Variants in HSF2 observed in about 807,000 individuals in gnomAD.
The protein encoded by HSF2 is heat shock factor protein 2.
A neutral mutation model predicts 65.0 loss-of-function variants in HSF2; 21 were observed. That is an observed-to-expected ratio of 0.32 (90% confidence interval 0.23 to 0.47). The LOEUF (loss-of-function observed/expected upper bound fraction) is 0.47. Among genes scored for constraint, HSF2 ranks in the 20% least tolerant of loss-of-function variants. The pLI, the probability that HSF2 is intolerant of heterozygous loss-of-function variation, is 1.00. For missense variants in HSF2, 499 were observed against 628.1 expected (o/e 0.79, Z 2.20); for synonymous variants, 225 against 219.1 (o/e 1.03, Z -0.24).
chr6:122,432,100 A>C lies in HSF2; in HGVS notation c.1491A>C (p.Gln497His), dbSNP rs777326167. Residue 497 changes from glutamine to histidine, a missense_variant, in exon 13 of 13, where the codon CAA (glutamine) becomes CAC (histidine). By Grantham distance (24) the Gln-to-His change is conservative. Coordinates refer to ENST00000368455, the MANE Select transcript of HSF2 (RefSeq NM_004506.4). ...LDSSLDPEPT[Q>H]SKLVRLEPLT... ...GCAGCCTAGACCCAGAACCAACCCA[A>C]AGTAAGCTTGTTCGCCTGGAGCCAT... The C allele has an allele frequency of 2.5e-6, 4 of 1,613,974 alleles. No homozygotes were observed. Among genetic ancestry groups the C allele is most frequent in the Non-Finnish European group, 3.4e-6 (4 of 1,179,980 alleles).
chr6:122,407,827 C>T (rs1221877712), intron 1 of HSF2, among the ~76,000 whole-genome samples: 1 of 152,100 alleles, frequency 6.6e-6, no homozygotes, highest in Non-Finnish European at 1.5e-5. Context: ...CAGGTGGCTT[C>T]AACAACAGGC....
chr6:122,420,323 C>A (rs573938749), intron 7 of HSF2, 101 bp downstream of exon 7: 3 of 788,978 alleles, frequency 3.8e-6, no homozygotes, highest in Admixed American at 6.5e-5. Context: ...AATAACAATT[C>A]AAGTGTTCAT....
At chr6:122,420,105 C>A in intron 6 of HSF2, 30 bp from the exon 7 acceptor site, 1 of 1,583,502 alleles carries the variant, frequency 6.3e-7, no homozygotes, top group Non-Finnish European at 8.6e-7. Context: ...ATGTTTGCTT[C>A]ACTGAACTGC....
chr6:122,402,989 A>T (rs1773774991), intron 1 of HSF2, among the ~76,000 whole-genome samples: 1 of 151,946 alleles, frequency 6.6e-6, no homozygotes, highest in Admixed American at 6.6e-5. Flanking sequence ...TTGTTTTGGG[A>T]ACCAGACAAG....
intron 1 of HSF2, among the ~76,000 whole-genome samples, chr6:122,406,200 A>G (rs1417306133): frequency 6.6e-6 from 1 of 152,230 alleles, no homozygotes. Context: ...ATTTGGAGCA[A>G]TAAATTGATA....
chr6:122,406,639 G>C (rs1421144993), intron 1 of HSF2, among the ~76,000 whole-genome samples: 2 of 152,164 alleles, frequency 1.3e-5, no homozygotes, highest in East Asian at 3.8e-4. Context: ...TGATAAATTG[G>C]CTATGGTTGG....
intron 1 of HSF2, among the ~76,000 whole-genome samples, chr6:122,400,332 G>A (rs542679312): frequency 6.6e-6 from 1 of 152,292 alleles, no homozygotes; most frequent in South Asian, 2.1e-4. Context: ...TTTGCATCTG[G>A]CATCTTTATG....
In HSF2 at chr6:122,432,331, A is replaced by G. The variant is rs1774494118; in HGVS notation, c.*111A>G. ...AAATTGCTTTGTTTTGTTTAATCAG[A>G]TACTGTGGAATAAAAGCACCTTTTG... On this transcript the variant is annotated 3_prime_UTR_variant, in exon 13 of 13. Coordinates refer to ENST00000368455, the MANE Select transcript of HSF2 (RefSeq NM_004506.4). The G allele has an allele frequency of 4.6e-6, 4 of 866,952 alleles. No individual in the cohort carries two copies. The highest frequency in any genetic ancestry group is 1.8e-6 in the Non-Finnish European group (1 of 565,704). The allele number at this position is 866,952 out of a possible 1,614,324, so 53.7% of individuals were successfully genotyped here.
chr6:122,417,717 AC>A (rs1774154663), intron 5 of HSF2, among the ~76,000 whole-genome samples: 1 of 152,204 alleles, frequency 6.6e-6, no homozygotes, highest in Admixed American at 6.5e-5. Flanking sequence ...AGAAGTGTCA[AC>A]AGAGAACTGA....
chr6:122,422,993 G>A, intron 9 of HSF2, 36 bp downstream of exon 9: 1 of 1,608,418 alleles, frequency 6.2e-7, no homozygotes, highest in Non-Finnish European at 8.5e-7. Flanking sequence ...AAAATTATTT[G>A]CTTTCTTTGT....
intron 6 of HSF2, among the ~76,000 whole-genome samples, chr6:122,419,466 C>T (rs1774190370): frequency 6.6e-6 from 1 of 151,996 alleles, no homozygotes; most frequent in South Asian, 2.1e-4. Context: ...GACATACATA[C>T]AGTTAATACA....
intron 1 of HSF2, among the ~76,000 whole-genome samples, chr6:122,411,686 T>C (rs977610726): frequency 6.6e-6 from 1 of 151,916 alleles, no homozygotes; most frequent in Non-Finnish European, 1.5e-5. Context: ...GAAAAGACTG[T>C]CCTTTTTTTA....
intron 7 of HSF2, 58 bp from the exon 8 acceptor site, chr6:122,422,092 C>A: frequency 2.5e-6 from 3 of 1,213,476 alleles, no homozygotes; most frequent in Admixed American, 2.2e-5. Flanking sequence ...TAGATGATAT[C>A]TTGTTTGGTA....
At chr6:122,417,140 T>G (rs942411677) in intron 5 of HSF2, among the ~76,000 whole-genome samples, 13 of 151,814 alleles carry the variant, frequency 8.6e-5, no homozygotes, top group African/African-American at 3.1e-4. Flanking sequence ...TCAACATAGA[T>G]TTACTGTGTT....
At chr6:122,419,852 C>G (rs1774195510) in intron 6 of HSF2, among the ~76,000 whole-genome samples, 1 of 151,980 alleles carries the variant, frequency 6.6e-6, no homozygotes, top group African/African-American at 2.4e-5. Flanking sequence ...AAATACAGTT[C>G]ATAGAGTTGT....
rs1173058032 is a variant in HSF2 at position 122,400,027 on chromosome 6, C to G, written c.93+197C>G. On this transcript the variant is annotated intron_variant, in intron 1 of 12. Coordinates refer to ENST00000368455, the MANE Select transcript of HSF2 (RefSeq NM_004506.4). The stretch of plus-strand genomic sequence containing the variant: ...GCCGCGGGGGCCCGGCCGGCAGCGC[C>G]GCTCTCCTCAGGCCGCGGTGGGGGA... 5.3e-5 allele frequency among the ~76,000 whole-genome samples: 8 copies of G among 152,206 alleles called. No individual in the cohort carries two copies. In the East Asian group the frequency reaches 1.6e-3, roughly 30 times the overall value.
At chr6:122,408,025 C>T (rs1773906825) in intron 1 of HSF2, among the ~76,000 whole-genome samples, 2 of 151,952 alleles carry the variant, frequency 1.3e-5, no homozygotes, top group Non-Finnish European at 2.9e-5. Context: ...GGACACCAAC[C>T]TAACCTGGGG....
intron 11 of HSF2, among the ~76,000 whole-genome samples, chr6:122,430,801 A>C (rs1199266815): frequency 6.6e-6 from 1 of 152,176 alleles, no homozygotes; most frequent in Admixed American, 6.6e-5. Context: ...TGGTAAAGAT[A>C]TAATTTCCCT....
At chr6:122,427,073 T>C (rs1489848855) in intron 10 of HSF2, among the ~76,000 whole-genome samples, 1 of 152,000 alleles carries the variant, frequency 6.6e-6, no homozygotes, top group Non-Finnish European at 1.5e-5. Flanking sequence ...TCATTATGTA[T>C]GTTTCTGTGT....
Sources: allele counts gnomAD v4.1 joint callset (sites outside exome capture counted in the v4.1 genomes callset), GRCh38; gene constraint gnomAD v4.1.1; transcripts MANE v1.5; gene names NCBI Gene and HGNC (gene_info 2026-07-23, HGNC 2026-07-21).